The following COLEC10 variants were observed in gnomAD, a reference collection of about 807,000 sequenced individuals.
The protein encoded by COLEC10 is collectin-10.
A neutral mutation model predicts 28.4 loss-of-function variants in COLEC10; 22 were observed. The ratio of observed to expected loss-of-function variants is 0.78; its 90% CI spans 0.55 to 1.11. COLEC10 has a LOEUF of 1.11. Among genes scored for constraint, COLEC10 ranks in the 50% least tolerant of loss-of-function variants. COLEC10 has a pLI of 0.00. For synonymous variants in COLEC10, 125 were observed against 116.1 expected, an observed-to-expected ratio of 1.08 and a Z score of -0.49; for missense variants, 361 against 344.1, an observed-to-expected ratio of 1.05 and a Z score of -0.39.
chr8:118,998,581 G>A (rs1031344690), intron 1 of COLEC10, among the ~76,000 whole-genome samples: 6 of 152,002 alleles, frequency 3.9e-5, no homozygotes, highest in Admixed American at 3.9e-4. Flanking sequence ...GCTCACGCCT[G>A]TAATCCCAGC....
At chr8:119,086,701 G>A (rs1240696636) in intron 1 of COLEC10, among the ~76,000 whole-genome samples, 2 of 152,202 alleles carry the variant, frequency 1.3e-5, no homozygotes, top group Admixed American at 1.3e-4. Context: ...GCTTATAGAA[G>A]GGGAAGAAGG....
At chr8:119,099,113 G>A (rs1399878370) in intron 3 of COLEC10, among the ~76,000 whole-genome samples, 5 of 151,942 alleles carry the variant, frequency 3.3e-5, no homozygotes, top group African/African-American at 7.2e-5. Flanking sequence ...ATCCATTTAC[G>A]CTGAAAGCAT....
intron 1 of COLEC10, chr8:119,067,662 G>A (rs917855148): frequency 9.4e-6 from 4 of 425,192 alleles, no homozygotes; most frequent in African/African-American, 8.3e-5. Flanking sequence ...ACGGAGATCT[G>A]AGGGAACTTA....
intron 1 of COLEC10, among the ~76,000 whole-genome samples, chr8:118,999,265 G>C (rs1221150156): frequency 6.6e-6 from 1 of 152,076 alleles, no homozygotes; most frequent in Admixed American, 6.5e-5. Flanking sequence ...TAGTGAATGG[G>C]AAATGGCTGA....
At chr8:118,975,317 T>C in the COLEC10 span, among the ~76,000 whole-genome samples, 43 of 152,050 alleles carry the variant, frequency 2.8e-4, no homozygotes, top group Non-Finnish European at 5.6e-4. Context: ...AGGTCTTGTG[T>C]TAAAGTGCAA....
intron 2 of COLEC10, among the ~76,000 whole-genome samples, chr8:119,054,990 G>C (rs916201306): frequency 1.3e-5 from 2 of 151,880 alleles, no homozygotes. Context: ...TGATGTAAGC[G>C]ACCCAAATCT....
rs1331162551 is a variant in COLEC10, at chr8:119,069,597, C to T, written c.148+2168C>T. On this transcript the variant is annotated intron_variant, in intron 1 of 5. Transcript: ENST00000332843. ...CTCCAGCCTGGACAACAGAGTGAGACCCCATCTCAAAAAAAAAAAAAAAAA... is the reference window on the plus strand; with the variant it reads ...CTCCAGCCTGGACAACAGAGTGAGATCCCATCTCAAAAAAAAAAAAAAAAA... 6.1e-5 allele frequency among the ~76,000 whole-genome samples: 4 copies of T among 65,128 alleles called. No individual in the cohort carries two copies. In the South Asian group the frequency reaches 2.7e-3, roughly 44 times the overall value. The allele number at this position is 65,128 out of a possible 152,430, so 42.7% of individuals were successfully genotyped here.
At chr8:118,973,378 G>A in the COLEC10 span, among the ~76,000 whole-genome samples, 1 of 151,888 alleles carries the variant, frequency 6.6e-6, no homozygotes. Context: ...TTTATCTGAA[G>A]GCATGACTGG....
chr8:118,960,992 TTGTCA>T, the COLEC10 span, among the ~76,000 whole-genome samples: 1 of 152,132 alleles, frequency 6.6e-6, no homozygotes, highest in African/African-American at 2.4e-5. Context: ...AACATATATA[TTGTCA>T]TGTCATGATA....
At chr8:119,020,692 A>G (rs4437685) in intron 2 of COLEC10, among the ~76,000 whole-genome samples, 6,701 of 152,262 alleles carry the variant, frequency 0.044, 219 homozygotes, top group East Asian at 0.16. Context: ...GTGTGACAGT[A>G]AAGATTCCAC....
intron 2 of COLEC10, among the ~76,000 whole-genome samples, chr8:119,011,807 T>C (rs1386754862): frequency 6.6e-6 from 1 of 151,014 alleles, no homozygotes; most frequent in African/African-American, 2.5e-5. Context: ...TTACCTCATA[T>C]CCTTGCAACC....
At chr8:118,965,991 G>T in the COLEC10 span, among the ~76,000 whole-genome samples, 1 of 152,064 alleles carries the variant, frequency 6.6e-6, no homozygotes, top group East Asian at 1.9e-4. Flanking sequence ...ATCAAGAGAG[G>T]TAGTGGTGGC....
chr8:119,044,810 G>C (rs936314666), intron 2 of COLEC10, among the ~76,000 whole-genome samples: 1 of 150,398 alleles, frequency 6.6e-6, no homozygotes, highest in Non-Finnish European at 1.5e-5. Flanking sequence ...AGCCGAGATC[G>C]CACCAGCATG....
At chr8:119,070,442 C>T (rs5005858) in intron 1 of COLEC10, among the ~76,000 whole-genome samples, 90,216 of 130,010 alleles carry the variant, frequency 0.69, 31,301 homozygotes, top group African/African-American at 0.83. Context: ...AAATGTTCTC[C>T]CTCGCTCTCT....
At chr8:118,969,570 G>GGA in the COLEC10 span, among the ~76,000 whole-genome samples, 1 of 151,944 alleles carries the variant, frequency 6.6e-6, no homozygotes, top group Non-Finnish European at 1.5e-5. Context: ...AATCTGGAAT[G>GGA]GAGAGTCCCC....
upstream of COLEC10, among the ~76,000 whole-genome samples, chr8:119,065,331 T>C (rs943910702): frequency 5.3e-5 from 8 of 152,014 alleles, no homozygotes; most frequent in Admixed American, 3.3e-4. Flanking sequence ...TAGATTCTCA[T>C]AGGAGCACAA....
chr8:118,977,772 TAATC>T, the COLEC10 span, among the ~76,000 whole-genome samples: 3 of 149,872 alleles, frequency 2.0e-5, no homozygotes, highest in South Asian at 2.1e-4. Flanking sequence ...AATAAATAAA[TAATC>T]AACTAAAAAA....
intron 1 of COLEC10, among the ~76,000 whole-genome samples, chr8:119,088,066 G>A (rs1815517106): frequency 1.3e-5 from 2 of 151,920 alleles, no homozygotes; most frequent in Admixed American, 1.3e-4. Context: ...GGTTAAGGCT[G>A]CAATGAACTG....
intron 1 of COLEC10, among the ~76,000 whole-genome samples, chr8:119,000,383 C>T (rs1478345264): frequency 6.6e-6 from 1 of 152,134 alleles, no homozygotes; most frequent in African/African-American, 2.4e-5. Flanking sequence ...GTAGTCATGA[C>T]TTTGAAATGA....
Sources: allele counts gnomAD v4.1 joint callset (sites outside exome capture counted in the v4.1 genomes callset), GRCh38; gene constraint gnomAD v4.1.1; transcripts MANE v1.5; gene names NCBI Gene and HGNC (gene_info 2026-07-23, HGNC 2026-07-21).